AZIN2: variants seen among roughly 807,000 people sequenced by gnomAD.
AZIN2 encodes the protein ODC antizyme inhibitor-2.
AZIN2 carries 28 observed loss-of-function variants against 47.8 expected under a neutral mutation model. The observed-to-expected ratio is 0.59, with a 90% confidence interval of 0.43 to 0.80. AZIN2 has a LOEUF of 0.80. Among genes scored for constraint, AZIN2 ranks in the 30% least tolerant of loss-of-function variants. The pLI is 0.00. For missense variants in AZIN2, 535 were observed against 582.5 expected, an observed-to-expected ratio of 0.92 and a Z score of 0.84; for synonymous variants, 221 against 239.4, an observed-to-expected ratio of 0.92 and a Z score of 0.71.
chr1:33,132,240 G>C, the AZIN2 span, among the ~76,000 whole-genome samples: 1 of 152,294 alleles, frequency 6.6e-6, no homozygotes, highest in African/African-American at 2.4e-5. Flanking sequence ...AAAAGGCAGC[G>C]TGAGCTCTCC....
At position 33,122,868 on chromosome 1, in the gene AZIN2, C is replaced by T. The variant is rs775644048; in HGVS notation, c.*2686C>T. Among the ~76,000 whole-genome samples the T allele has an allele frequency of 4.6e-5, 7 of 152,222 alleles. 1 individual carries two copies. The highest frequency in any genetic ancestry group is 5.9e-5 in the Non-Finnish European group (4 of 68,044). On this transcript the variant is annotated 3_prime_UTR_variant, in exon 12 of 12. Coordinates refer to ENST00000294517, the MANE Select transcript of AZIN2 (RefSeq NM_052998.4). ...AGATCTGAGCTTCCATCTTCTCATA[C>T]TCAGGACTGGCCCCTTCTTCCCCTT...
chr1:33,155,569 G>A, the AZIN2 span, among the ~76,000 whole-genome samples: 914 of 152,254 alleles, frequency 6.0e-3, 16 homozygotes, highest in African/African-American at 0.021. Flanking sequence ...GGTAAGGAAG[G>A]GCACAGGCTC....
chr1:33,098,770 C>CT (rs936047373), intron 10 of AZIN2, among the ~76,000 whole-genome samples: 71 of 146,956 alleles, frequency 4.8e-4, no homozygotes, highest in East Asian at 2.2e-3. Flanking sequence ...CTCTCTCTCT[C>CT]TTTTTTTTTT....
chr1:33,148,099 C>T, the AZIN2 span, among the ~76,000 whole-genome samples: 3 of 152,072 alleles, frequency 2.0e-5, no homozygotes, highest in East Asian at 5.8e-4. Flanking sequence ...TTGCTACTGC[C>T]CCCTAGGGGG....
intron 5 of AZIN2, among the ~76,000 whole-genome samples, chr1:33,090,774 T>C (rs1331938020): frequency 2.0e-5 from 3 of 152,204 alleles, no homozygotes; most frequent in Non-Finnish European, 4.4e-5. Context: ...ATAGTCACCA[T>C]GATGTACATT....
chr1:33,145,632 C>T, the AZIN2 span: 90 of 269,810 alleles, frequency 3.3e-4, no homozygotes, highest in Non-Finnish European at 5.9e-4. Flanking sequence ...GTCAGAGACC[C>T]CAAGTGCAGA....
chr1:33,093,494 A>G (rs2124526819), intron 7 of AZIN2, 78 bp downstream of exon 7: 1 of 1,533,610 alleles, frequency 6.5e-7, no homozygotes, highest in Non-Finnish European at 8.8e-7. Flanking sequence ...TCTATATGAG[A>G]CCTTCCCCAG....
chr1:33,127,983 C>T (rs60381662), downstream of AZIN2, among the ~76,000 whole-genome samples: 1,835 of 152,168 alleles, frequency 0.012, 48 homozygotes, highest in African/African-American at 0.042. Flanking sequence ...TGTATCCTGG[C>T]CTAAGTTACT....
intron 10 of AZIN2, among the ~76,000 whole-genome samples, chr1:33,117,102 T>C (rs1644577709): frequency 6.6e-6 from 1 of 152,206 alleles, no homozygotes; most frequent in Admixed American, 6.5e-5. Context: ...TTTTATGTCA[T>C]TGGTAGTTGT....
intron 9 of AZIN2, among the ~76,000 whole-genome samples, chr1:33,097,793 C>G (rs1570037017): frequency 6.6e-6 from 1 of 152,152 alleles, no homozygotes; most frequent in Non-Finnish European, 1.5e-5. Flanking sequence ...GTGGGCTGCT[C>G]TTCTGCCTTT....
At chr1:33,154,603 C>T in the AZIN2 span, among the ~76,000 whole-genome samples, 1,713 of 146,972 alleles carry the variant, frequency 0.012, 34 homozygotes, top group African/African-American at 0.041. Flanking sequence ...TTCAAGACCA[C>T]CCTGGCCAAC....
the AZIN2 span, among the ~76,000 whole-genome samples, chr1:33,140,492 C>A: frequency 2.0e-5 from 3 of 152,216 alleles, no homozygotes; most frequent in African/African-American, 7.2e-5. This position sits in a 1 kb window ranked among gnomAD's most constrained non-coding sequence, Gnocchi z 4.0. Flanking sequence ...AGGAAGCAGG[C>A]ACAGGGGCTC....
At chr1:33,125,552 T>C (rs1052910030), downstream of AZIN2, among the ~76,000 whole-genome samples, 25 of 152,240 alleles carry the variant, frequency 1.6e-4, no homozygotes, top group African/African-American at 5.8e-4. Context: ...GGCTTGAATG[T>C]TGCCATCTCA....
At chr1:33,156,466 C>T in the AZIN2 span, among the ~76,000 whole-genome samples, 2 of 152,188 alleles carry the variant, frequency 1.3e-5, no homozygotes, top group African/African-American at 4.8e-5. Flanking sequence ...TAGCCACTCT[C>T]TCCTGGAAAT....
At chr1:33,160,359 G>A in the AZIN2 span, among the ~76,000 whole-genome samples, 3 of 152,094 alleles carry the variant, frequency 2.0e-5, no homozygotes, top group South Asian at 4.2e-4. Flanking sequence ...ACAGGGTGAA[G>A]ATGTTCTCTC....
At chr1:33,118,196 C>G in intron 11 of AZIN2, 80 bp downstream of exon 11, 1 of 1,411,060 alleles carries the variant, frequency 7.1e-7, no homozygotes, top group Non-Finnish European at 9.4e-7. Flanking sequence ...TGAGATTCTG[C>G]TTCTGTGTAA....
intron 10 of AZIN2, among the ~76,000 whole-genome samples, chr1:33,102,375 C>T (rs1207985543): frequency 3.3e-5 from 5 of 152,188 alleles, no homozygotes; most frequent in Non-Finnish European, 7.3e-5. Flanking sequence ...GGTCTGTACC[C>T]ACTGCCCCTG....
At chr1:33,165,431 A>G in the AZIN2 span, 30 of 1,520,092 alleles carry the variant, frequency 2.0e-5, no homozygotes, top group Non-Finnish European at 2.4e-5. This position sits in a 1 kb window ranked among gnomAD's most constrained non-coding sequence, Gnocchi z 4.0. Flanking sequence ...CCCTGCCCTC[A>G]TCTCTGCCGG....
At chr1:33,093,233 G>C in intron 6 of AZIN2, 49 bp from the exon 7 acceptor site, 1 of 1,607,162 alleles carries the variant, frequency 6.2e-7, no homozygotes, top group Non-Finnish European at 8.5e-7. Flanking sequence ...TGTGGCTGGG[G>C]TGGGGCGACA....
Sources: gnomAD v4.1 joint callset for allele counts (sites outside exome capture counted in the v4.1 genomes callset) on GRCh38, gnomAD v4.1.1 for gene constraint, Gnocchi (gnomAD v3.1) non-coding constraint, MANE v1.5 for transcripts, NCBI Gene and HGNC (gene_info 2026-07-23, HGNC 2026-07-21) for gene names.